The following XRCC4 variants were observed in gnomAD, a reference collection of about 807,000 sequenced individuals.
XRCC4 encodes DNA repair protein XRCC4.
Under a neutral mutation model 39.1 loss-of-function variants are expected in XRCC4, and 28 were observed. The ratio of observed to expected loss-of-function variants is 0.72; its 90% confidence interval spans 0.53 to 0.98. The LOEUF is 0.98. Ranked by LOEUF, XRCC4 falls within the 50% of genes least tolerant of loss-of-function variation. The pLI, the probability that XRCC4 is intolerant of heterozygous loss-of-function variation, is 0.00. For synonymous variants in XRCC4, 123 were observed against 126.4 expected (o/e 0.97, Z 0.18); for missense variants, 350 against 376.4 (o/e 0.93, Z 0.58).
intron 3 of XRCC4, among the ~76,000 whole-genome samples, chr5:83,133,580 C>T (rs1747719143): frequency 1.3e-5 from 2 of 152,206 alleles, no homozygotes; most frequent in Non-Finnish European, 2.9e-5. Context: ...ACTCAAGCCT[C>T]AGCAATGGTG....
At chr5:83,098,422 T>C (rs951228142) in intron 1 of XRCC4, among the ~76,000 whole-genome samples, 1 of 152,100 alleles carries the variant, frequency 6.6e-6, no homozygotes, top group Non-Finnish European at 1.5e-5. Flanking sequence ...GTTTGAAAAT[T>C]AGGAAAATTC....
intron 7 of XRCC4, among the ~76,000 whole-genome samples, chr5:83,266,274 A>G (rs1753950573): frequency 6.6e-6 from 1 of 150,906 alleles, no homozygotes; most frequent in Non-Finnish European, 1.5e-5. Context: ...TGTATCCAAA[A>G]TTTACACTGT....
chr5:83,239,568 G>T (rs545028567), intron 6 of XRCC4, among the ~76,000 whole-genome samples: 1 of 152,150 alleles, frequency 6.6e-6, no homozygotes, highest in Non-Finnish European at 1.5e-5. Flanking sequence ...AGTGGCTCAC[G>T]CCTGTAATCC....
intron 3 of XRCC4, among the ~76,000 whole-genome samples, chr5:83,134,657 C>T (rs1335065478): frequency 2.0e-5 from 3 of 152,164 alleles, no homozygotes; most frequent in Non-Finnish European, 4.4e-5. Context: ...GGAATAAACG[C>T]AGGCAACCTG....
At chr5:83,144,267 C>CTGTGTGTGTGTGTGTGTG (rs56769195) in intron 3 of XRCC4, among the ~76,000 whole-genome samples, 15 of 140,134 alleles carry the variant, frequency 1.1e-4, no homozygotes, top group South Asian at 2.5e-4. Flanking sequence ...TAATATTCCT[C>CTGTGTGTGTGTGTGTGTG]TGTGTGTGTG....
intron 6 of XRCC4, among the ~76,000 whole-genome samples, chr5:83,210,643 C>A (rs1751607245): frequency 6.7e-6 from 1 of 149,788 alleles, no homozygotes; most frequent in Non-Finnish European, 1.5e-5. Flanking sequence ...GCCACTGATA[C>A]AAGAGAATAA....
At chr5:83,294,710 C>G (rs1755035986) in intron 7 of XRCC4, among the ~76,000 whole-genome samples, 1 of 151,938 alleles carries the variant, frequency 6.6e-6, no homozygotes, top group Admixed American at 6.6e-5. Context: ...GTTAAAAGAT[C>G]ATGTATCAAA....
intron 6 of XRCC4, among the ~76,000 whole-genome samples, chr5:83,254,369 A>G (rs542565237): frequency 1.3e-5 from 2 of 152,166 alleles, no homozygotes; most frequent in East Asian, 3.9e-4. Flanking sequence ...CATGCATGCC[A>G]TTACAACAAG....
chr5:83,286,402 G>C (rs1043122037), intron 7 of XRCC4, among the ~76,000 whole-genome samples: 1 of 152,040 alleles, frequency 6.6e-6, no homozygotes, highest in Middle Eastern at 3.2e-3. Flanking sequence ...ATTCATGATA[G>C]CCATAACAGT....
At chr5:83,332,226 TAC>T (rs67822741) in intron 7 of XRCC4, among the ~76,000 whole-genome samples, 16,358 of 141,746 alleles carry the variant, frequency 0.12, 1,247 homozygotes, top group East Asian at 0.42. Flanking sequence ...TTCAATCTTC[TAC>T]ACACACACAC....
intron 3 of XRCC4, among the ~76,000 whole-genome samples, chr5:83,140,979 G>A (rs28383166): frequency 0.016 from 2,376 of 152,182 alleles, 61 homozygotes; most frequent in African/African-American, 0.053. Context: ...ATTAGTTTCT[G>A]GTTTATGTGT....
At chr5:83,324,817 T>C (rs1272482336) in intron 7 of XRCC4, among the ~76,000 whole-genome samples, 13 of 152,080 alleles carry the variant, frequency 8.5e-5, no homozygotes, top group Non-Finnish European at 1.5e-5. Context: ...TTTGATTGAC[T>C]CAAGATAATA....
Position 83,217,358 on chromosome 5 carries a change from CAAAAAAAAAAA to C in XRCC4, c.745+12446_745+12456del, listed in dbSNP as rs59416363. On this transcript the variant is annotated intron_variant, in intron 6 of 7. Transcript: ENST00000396027. ...GGCAGCGCAGAGCAAGACTCCGTCTCAAAAAAAAAAAAAAAAAAACCATTGCGATAATTTGA... is the reference window on the plus strand; with the variant it reads ...GGCAGCGCAGAGCAAGACTCCGTCTCAAAAAAAACCATTGCGATAATTTGA... Among the ~76,000 whole-genome samples the C allele has an allele frequency of 1.4e-4, 13 of 96,146 alleles. 1 individual carries two copies. Among genetic ancestry groups the C allele is most frequent in the African/African-American group, 5.6e-4 (12 of 21,258 alleles). The allele number at this position is 96,146 out of a possible 152,430, so 63.1% of individuals were successfully genotyped here. A position where few individuals can be genotyped will look rare whatever the true frequency, so the allele number is the denominator to read the frequency against.
At chr5:83,147,371 C>T (rs1238484334) in intron 3 of XRCC4, among the ~76,000 whole-genome samples, 2 of 152,106 alleles carry the variant, frequency 1.3e-5, no homozygotes, top group Non-Finnish European at 2.9e-5. Context: ...ACTATTCAGC[C>T]TTAAAACACA....
chr5:83,203,036 T>TTG (rs148018202), intron 4 of XRCC4, among the ~76,000 whole-genome samples: 243 of 150,316 alleles, frequency 1.6e-3, no homozygotes, highest in African/African-American at 4.2e-3. Flanking sequence ...CTATATGTAT[T>TTG]TGTGTGTGTG....
At chr5:83,368,676 C>G in the XRCC4 span, among the ~76,000 whole-genome samples, 1 of 152,158 alleles carries the variant, frequency 6.6e-6, no homozygotes, top group Admixed American at 6.5e-5. Context: ...AGCTCTAATT[C>G]TTGTAGATCC....
intron 7 of XRCC4, among the ~76,000 whole-genome samples, chr5:83,320,807 C>CT (rs869118508): frequency 0.016 from 1,910 of 116,962 alleles, 26 homozygotes; most frequent in East Asian, 0.037. Context: ...TTATGTACTT[C>CT]TTTTTTTTTT....
At chr5:83,109,652 C>T (rs1157956024) in intron 2 of XRCC4, among the ~76,000 whole-genome samples, 5 of 151,828 alleles carry the variant, frequency 3.3e-5, no homozygotes, top group Admixed American at 3.3e-4. Context: ...AAGGGAAAAC[C>T]TCAGACACCA....
Position 83,252,195 on chromosome 5 carries a change from A to G in XRCC4, c.746-6335A>G, listed in dbSNP as rs1313081189. On this transcript the variant is annotated intron_variant, in intron 6 of 7. Coordinates refer to ENST00000396027, the MANE Select transcript of XRCC4 (RefSeq NM_003401.5). ...GGTTGGTTGTTTTCTCTTGGGAAAG[A>G]AGGAATATGTGTTTTGAAGTTTCAG... Among the ~76,000 whole-genome samples, 10 of 152,198 alleles carry G rather than the reference A, an allele frequency of 6.6e-5. No individual in the cohort carries two copies. In the East Asian group the frequency reaches 1.9e-3, roughly 29 times the overall value.
Sources: gnomAD v4.1 joint callset for allele counts (sites outside exome capture counted in the v4.1 genomes callset) on GRCh38, gnomAD v4.1.1 for gene constraint, MANE v1.5 for transcripts, NCBI Gene and HGNC (gene_info 2026-07-23, HGNC 2026-07-21) for gene names.